The following LOXL2 variants were observed in gnomAD, a reference collection of about 807,000 sequenced individuals.
LOXL2 encodes lysyl oxidase homolog 2.
Under a neutral mutation model 93.0 loss-of-function variants are expected in LOXL2, and 70 were observed. The observed-to-expected ratio is 0.75, with a 90% confidence interval of 0.62 to 0.92. The LOEUF is 0.92. Ranked by LOEUF, LOXL2 falls within the 40% of genes least tolerant of loss-of-function variation. The pLI is 0.00. For missense variants in LOXL2, 973 were observed against 1,054.9 expected (o/e 0.92, Z 1.08); for synonymous variants, 438 against 413.2 (o/e 1.06, Z -0.73).
intron 1 of LOXL2, among the ~76,000 whole-genome samples, chr8:23,388,386 T>C (rs908466940): frequency 2.6e-5 from 4 of 152,100 alleles, no homozygotes; most frequent in African/African-American, 9.7e-5. Flanking sequence ...GAGACCAGCT[T>C]GAGCAACATA....
At chr8:23,380,799 G>C (rs529945202) in intron 1 of LOXL2, among the ~76,000 whole-genome samples, 9 of 152,164 alleles carry the variant, frequency 5.9e-5, no homozygotes, top group African/African-American at 1.9e-4. Flanking sequence ...AATCGCTTGA[G>C]GTCAGGAGTT....
intron 1 of LOXL2, among the ~76,000 whole-genome samples, chr8:23,376,437 G>A (rs1804594733): frequency 1.3e-5 from 2 of 152,262 alleles, no homozygotes; most frequent in Admixed American, 1.3e-4. Flanking sequence ...TTGGTATCAG[G>A]ATGATGCTGG....
intron 1 of LOXL2, among the ~76,000 whole-genome samples, chr8:23,395,928 C>A (rs1045542885): frequency 4.6e-5 from 7 of 152,230 alleles, no homozygotes; most frequent in Admixed American, 2.0e-4. Flanking sequence ...CCAACCTTGG[C>A]CTCCCAGAGT....
chr8:23,362,876 A>C (rs918784465), intron 2 of LOXL2, among the ~76,000 whole-genome samples: 5 of 152,166 alleles, frequency 3.3e-5, no homozygotes, highest in Non-Finnish European at 7.3e-5. Flanking sequence ...AACAAATCTA[A>C]ACCTCTCATT....
chr8:23,352,450 T>TG (rs1326595872), intron 3 of LOXL2, among the ~76,000 whole-genome samples: 1 of 152,140 alleles, frequency 6.6e-6, no homozygotes, highest in African/African-American at 2.4e-5. Context: ...GCAACCTCTC[T>TG]GGTGGGAGTC....
chr8:23,349,268 T>C (rs930900035), intron 3 of LOXL2, among the ~76,000 whole-genome samples: 5 of 152,178 alleles, frequency 3.3e-5, no homozygotes, highest in Non-Finnish European at 5.9e-5. Flanking sequence ...CATCCGTTCA[T>C]CCTCTTTGAC....
chr8:23,385,148 G>A (rs868827586), intron 1 of LOXL2, among the ~76,000 whole-genome samples: 2 of 151,962 alleles, frequency 1.3e-5, no homozygotes, highest in Non-Finnish European at 2.9e-5. Flanking sequence ...CGTCCTGTTC[G>A]AACAGGATCA....
intron 4 of LOXL2, among the ~76,000 whole-genome samples, chr8:23,334,588 AG>A (rs1297458054): frequency 7.2e-5 from 11 of 152,162 alleles, no homozygotes; most frequent in Admixed American, 7.2e-4. Flanking sequence ...CCATATCCTA[AG>A]GAAGCCCTTA....
intron 2 of LOXL2, 99 bp from the exon 3 acceptor site, chr8:23,360,364 T>A: frequency 1.1e-6 from 1 of 886,034 alleles, no homozygotes; most frequent in Non-Finnish European, 1.7e-6. Context: ...AATTTTTCTC[T>A]AATTTTGGCA....
At chr8:23,389,467 A>G (rs891486541) in intron 1 of LOXL2, among the ~76,000 whole-genome samples, 25 of 152,330 alleles carry the variant, frequency 1.6e-4, no homozygotes, top group African/African-American at 6.0e-4. Flanking sequence ...ATTCTTAAAC[A>G]CAGGAGAAAC....
chr8:23,391,594 A>C (rs576792553), intron 1 of LOXL2, among the ~76,000 whole-genome samples: 2 of 152,296 alleles, frequency 1.3e-5, no homozygotes, highest in South Asian at 4.1e-4. Context: ...AATCGGTCTG[A>C]GTTTCTGTGC....
intron 12 of LOXL2, 90 bp downstream of exon 12, chr8:23,301,937 C>G: frequency 6.6e-7 from 1 of 1,511,998 alleles, no homozygotes; most frequent in Non-Finnish European, 9.1e-7. Context: ...GACTTCCATG[C>G]CCCTGTGTGG....
chr8:23,304,861 C>CACGGGGA (rs1803204009), intron 10 of LOXL2, among the ~76,000 whole-genome samples: 1 of 152,156 alleles, frequency 6.6e-6, no homozygotes, highest in Non-Finnish European at 1.5e-5. Context: ...GCAGTGGGGG[C>CACGGGGA]ACGGGGAACG....
chr8:23,400,628 C>A (rs923331311), intron 1 of LOXL2, among the ~76,000 whole-genome samples: 4 of 152,192 alleles, frequency 2.6e-5, no homozygotes, highest in African/African-American at 9.7e-5. Flanking sequence ...TATACCCCTA[C>A]TTCTCTGTCA....
At chr8:23,382,621 C>T (rs968550921) in intron 1 of LOXL2, 1 of 152,084 alleles carries the variant, frequency 6.6e-6, no homozygotes, top group Non-Finnish European at 1.5e-5. Context: ...GGTGGGAGCC[C>T]TATTCTGGGC....
chr8:23,352,820 G>C (rs987882471), intron 3 of LOXL2, among the ~76,000 whole-genome samples: 4 of 151,924 alleles, frequency 2.6e-5, no homozygotes, highest in African/African-American at 9.7e-5. Context: ...TCGTCCCTCT[G>C]TTGGCCCCTC....
In LOXL2 at chr8:23,403,996, T is replaced by G; in HGVS notation, c.-126A>C. On this transcript the variant is annotated 5_prime_UTR_variant, in exon 1 of 14. Transcript: ENST00000389131. Reference sequence around the variant, plus strand: ...CAGTGGCCGGGCTGGGACCGCGCTCTCCACGGTGGTCCCCCTCCGCTTCCG... The same window carrying G: ...CAGTGGCCGGGCTGGGACCGCGCTCGCCACGGTGGTCCCCCTCCGCTTCCG... The G allele has an allele frequency of 5.8e-6, 1 of 173,664 alleles. No homozygotes were observed. Among genetic ancestry groups the G allele is most frequent in the Non-Finnish European group, 1.3e-5 (1 of 79,242 alleles). The allele number at this position is 173,664 out of a possible 1,614,324, so 10.8% of individuals were successfully genotyped here.
intron 3 of LOXL2, among the ~76,000 whole-genome samples, chr8:23,346,116 TTAAAATAAAATAAAA>T (rs1241283477): frequency 4.2e-5 from 1 of 23,792 alleles, no homozygotes; most frequent in Non-Finnish European, 8.0e-5. Flanking sequence ...TAAAATAAAA[TTAAAATAAAATAAAA>T]TAAAATAAAA....
At chr8:23,328,709 ATGTGTGTGTGTGTGTGTGTG>A (rs60768341) in intron 5 of LOXL2, 144 bp from the exon 6 acceptor site, 16 of 460,370 alleles carry the variant, frequency 3.5e-5, no homozygotes, top group South Asian at 3.2e-4. Context: ...TGATGTATGG[ATGTGTGTGTGTGTGTGTGTG>A]TGTGTGTGTG....
Sources: gnomAD v4.1 joint callset for allele counts (sites outside exome capture counted in the v4.1 genomes callset) on GRCh38, gnomAD v4.1.1 for gene constraint, MANE v1.5 for transcripts, NCBI Gene and HGNC (gene_info 2026-07-23, HGNC 2026-07-21) for gene names.